Variants in PLA2G15 observed in about 807,000 individuals in gnomAD.
PLA2G15 encodes the protein lysosomal phospholipase A and acyltransferase.
In PLA2G15, 20 loss-of-function variants were observed where a neutral mutation model predicts 40.9. The observed-to-expected ratio is 0.49, with a 90% CI of 0.34 to 0.71. The LOEUF is 0.71. Among genes scored for constraint, PLA2G15 ranks in the 30% least tolerant of loss-of-function variants. PLA2G15 has a pLI of 0.01. For synonymous variants in PLA2G15, 223 were observed against 228.2 expected, an observed-to-expected ratio of 0.98 and a Z score of 0.21; for missense variants, 471 against 541.9, an observed-to-expected ratio of 0.87 and a Z score of 1.30.
At chr16:68,252,924 G>A (rs982807418) in intron 2 of PLA2G15, among the ~76,000 whole-genome samples, 1 of 152,210 alleles carries the variant, frequency 6.6e-6, no homozygotes, top group African/African-American at 2.4e-5. Context: ...AGTGAGCTAT[G>A]ATCTCCTCAC....
In PLA2G15 at chr16:68,259,864, G is replaced by A. The variant is rs1249114161; in HGVS notation, c.*207G>A. 1.7e-6 allele frequency: 1 copy of A among 600,436 alleles called. No individual in the cohort carries two copies. Among genetic ancestry groups the A allele is most frequent in the African/African-American group, 1.9e-5 (1 of 53,808 alleles). 37.2% of individuals were successfully genotyped at this position (600,436 alleles called of 1,614,324 possible). A position where few individuals can be genotyped will look rare whatever the true frequency, so the allele number is the denominator to read the frequency against. On this transcript the variant is annotated 3_prime_UTR_variant, in exon 6 of 6. Transcript: ENST00000219345. This position sits in a 1 kb window ranked among gnomAD's most constrained non-coding sequence, Gnocchi z 6.5. The stretch of plus-strand genomic sequence containing the variant: ...GAAGAAATGAGAGTCTAGACTCAAG[G>A]GACACTGGATGGCAAGAATGCTGCT...
At chr16:68,258,988 G>A in intron 5 of PLA2G15, 158 bp from the exon 6 acceptor site, 1 of 638,338 alleles carries the variant, frequency 1.6e-6, no homozygotes, top group Admixed American at 2.8e-5. Flanking sequence ...CCAAGGCAGG[G>A]ATGGGAGTCA....
At chr16:68,250,235 C>T (rs1474611421) in intron 2 of PLA2G15, 5 of 300,206 alleles carry the variant, frequency 1.7e-5, no homozygotes, top group Non-Finnish European at 3.1e-5. Context: ...GGCTGGAGTG[C>T]AATGGCGCGA....
Position 68,259,077 on chromosome 16 carries a change from G to A in PLA2G15, c.728-69G>A. 1 of 1,403,698 alleles carries A rather than the reference G, an allele frequency of 7.1e-7. No homozygotes were observed. Among genetic ancestry groups the A allele is most frequent in the Non-Finnish European group, 9.8e-7 (1 of 1,021,818 alleles). The allele number at this position is 1,403,698 out of a possible 1,614,324, so 87.0% of individuals were successfully genotyped here. A position where few individuals can be genotyped will look rare whatever the true frequency, so the allele number is the denominator to read the frequency against. On this transcript the variant is annotated intron_variant, in intron 5 of 5. Coordinates refer to ENST00000219345, the MANE Select transcript of PLA2G15 (RefSeq NM_012320.4). This position sits in a 1 kb window ranked among gnomAD's most constrained non-coding sequence, Gnocchi z 6.5. ...CCTGGCTGGGGTCTGGCAGGGGCCTGGTGGTGAACATGCTGCCCAACCAGC... is the reference window on the plus strand; with the variant it reads ...CCTGGCTGGGGTCTGGCAGGGGCCTAGTGGTGAACATGCTGCCCAACCAGC...
At chr16:68,245,735 A>G (rs1243380866) in intron 1 of PLA2G15, among the ~76,000 whole-genome samples, 182 bp downstream of exon 1, 2 of 152,190 alleles carry the variant, frequency 1.3e-5, no homozygotes, top group Admixed American at 6.5e-5. Context: ...GGGTGTGGTC[A>G]GCTCCCCACC....
At chr16:68,247,868 G>A (rs529348567) in intron 1 of PLA2G15, among the ~76,000 whole-genome samples, 10 of 152,358 alleles carry the variant, frequency 6.6e-5, no homozygotes, top group Admixed American at 5.2e-4. Flanking sequence ...AGTGGCGAGA[G>A]CATGGCATGT....
At chr16:68,250,111 C>T (rs1667880809) in intron 2 of PLA2G15, among the ~76,000 whole-genome samples, 1 of 151,238 alleles carries the variant, frequency 6.6e-6, no homozygotes, top group South Asian at 2.1e-4. Context: ...GTCTTTGTAC[C>T]TGCTGTTCTT....
chr16:68,257,638 G>A (rs998647221), intron 5 of PLA2G15, among the ~76,000 whole-genome samples: 4 of 152,214 alleles, frequency 2.6e-5, no homozygotes, highest in African/African-American at 9.6e-5. Flanking sequence ...ATGAGCTCAA[G>A]TGCCTGCCAC....
At position 68,245,495 on chromosome 16, in the gene PLA2G15, G is replaced by C. The variant is rs748953400; in HGVS notation, c.69G>C (p.Leu23=). Residue 23 remains leucine (L), a synonymous_variant, in exon 1 of 6, where the codon CTG becomes CTC. Transcript: ENST00000219345. ...ATGGCCTCCTGTTCCTCTTGCTGCTGCTAATGCTGCTCGCGGACCCAGCGC... is the reference window on the plus strand; with the variant it reads ...ATGGCCTCCTGTTCCTCTTGCTGCTCCTAATGCTGCTCGCGGACCCAGCGC... ...LPDGLLFLLL[L]LMLLADPALP... 7 of 1,605,306 alleles carry C rather than the reference G, an allele frequency of 4.4e-6. No individual in the cohort carries two copies. Among genetic ancestry groups the C allele is most frequent in the Non-Finnish European group, 5.9e-6 (7 of 1,179,156 alleles).
chr16:68,245,997 GGCATTGCTGAAA>G (rs549928278), intron 1 of PLA2G15, among the ~76,000 whole-genome samples: 115 of 152,310 alleles, frequency 7.6e-4, no homozygotes, highest in Middle Eastern at 3.4e-3. Context: ...TATGCCAGAA[GGCATTGCTGAAA>G]GGAACCTCCT....
At chr16:68,245,751 T>C (rs1400442374) in intron 1 of PLA2G15, among the ~76,000 whole-genome samples, 198 bp downstream of exon 1, 1 of 152,174 alleles carries the variant, frequency 6.6e-6, no homozygotes, top group East Asian at 1.9e-4. Context: ...CCACCTCCTG[T>C]CCTGGTAGAA....
chr16:68,251,741 T>G lies in PLA2G15; in HGVS notation c.284+2295T>G, dbSNP rs1160257023. Among the ~76,000 whole-genome samples, 8 of 151,006 alleles carry G rather than the reference T, an allele frequency of 5.3e-5. No homozygotes were observed. In the Admixed American group the frequency reaches 5.3e-4, roughly 10 times the overall value. On this transcript the variant is annotated intron_variant, in intron 2 of 5. Transcript: ENST00000219345. ...CGGGCGTGGTGGCACACGCCCATGA[T>G]CCCAGCTACTCGGGAGGCTGAGACA...
chr16:68,255,444 AC>A lies in PLA2G15; in HGVS notation c.502+66del. ...AGGTAGGGGTGAGGTGATCATGGGC[AC>A]CACAGACCTTGGGCTCTCCCCTTGT... On this transcript the variant is annotated intron_variant, in intron 4 of 5. Transcript: ENST00000219345. The surrounding 1 kb of genome is among the most constrained non-coding windows in gnomAD (Gnocchi z 5.9). 8.9e-7 allele frequency: 1 copy of A among 1,119,530 alleles called. No individual in the cohort carries two copies. Among genetic ancestry groups the A allele is most frequent in the Non-Finnish European group, 1.3e-6 (1 of 769,736 alleles). 69.3% of individuals were successfully genotyped at this position (1,119,530 alleles called of 1,614,324 possible).
At position 68,255,281 on chromosome 16, in the gene PLA2G15, G is replaced by C. The variant is rs760352408; in HGVS notation, c.404-1G>C. 1 of 1,609,176 alleles carries C rather than the reference G, an allele frequency of 6.2e-7. No homozygotes were observed. ...CTTATCCTCTGTATTTCTGTCTACA[G>C]GTTCCTATTTCCACACCATGGTGGA... On this transcript the variant is annotated splice_acceptor_variant, in intron 3 of 5. Transcript: ENST00000219345. LOFTEE classifies it high-confidence loss of function. The surrounding 1 kb of genome is among the most constrained non-coding windows in gnomAD (Gnocchi z 5.9).
chr16:68,259,032 G>A lies in PLA2G15; in HGVS notation c.728-114G>A. ...ACAATGATGATAACCGGGTAGAGAT[G>A]CGGGACTGTGGACTGGGCCCCTGGC... On this transcript the variant is annotated intron_variant, in intron 5 of 5. Coordinates refer to ENST00000219345, the MANE Select transcript of PLA2G15 (RefSeq NM_012320.4). The surrounding 1 kb of genome is among the most constrained non-coding windows in gnomAD (Gnocchi z 6.5). The A allele has an allele frequency of 1.3e-6, 1 of 770,958 alleles. No individual in the cohort carries two copies. Among genetic ancestry groups the A allele is most frequent in the Non-Finnish European group, 2.1e-6 (1 of 465,464 alleles). 47.8% of individuals were successfully genotyped at this position (770,958 alleles called of 1,614,324 possible). A position where few individuals can be genotyped will look rare whatever the true frequency, so the allele number is the denominator to read the frequency against.
intron 2 of PLA2G15, among the ~76,000 whole-genome samples, chr16:68,252,131 C>T (rs886268124): frequency 4.6e-5 from 7 of 152,222 alleles, no homozygotes; most frequent in African/African-American, 1.7e-4. Context: ...TCACCCAGCG[C>T]AGAACTGCTT....
intron 2 of PLA2G15, chr16:68,253,528 C>T (rs1461531130): frequency 1.0e-5 from 4 of 387,708 alleles, no homozygotes; most frequent in Non-Finnish European, 2.1e-5. Flanking sequence ...GTACACGTCA[C>T]CATGCCTGGT....
At position 68,260,876 on chromosome 16, in the gene PLA2G15, G is replaced by C. The variant is rs987930734; in HGVS notation, c.*1219G>C. On this transcript the variant is annotated 3_prime_UTR_variant, in exon 6 of 6. Transcript: ENST00000219345. ...GAGAAAAGGGTACAGCCTCTAGGTG[G>C]GGTTCCCAAAGACGCCTTCACGCTG... The C allele has an allele frequency of 6.6e-6, 1 of 152,346 alleles. No individual in the cohort carries two copies. Among genetic ancestry groups the C allele is most frequent in the African/African-American group, 2.4e-5 (1 of 41,466 alleles). The allele number at this position is 152,346 out of a possible 1,614,324, so 9.4% of individuals were successfully genotyped here. A position where few individuals can be genotyped will look rare whatever the true frequency, so the allele number is the denominator to read the frequency against.
At chr16:68,251,035 A>G (rs1163400000) in intron 2 of PLA2G15, among the ~76,000 whole-genome samples, 1 of 151,548 alleles carries the variant, frequency 6.6e-6, no homozygotes, top group Non-Finnish European at 1.5e-5. Flanking sequence ...GGCACTGTAC[A>G]TTTTATATAC....
Sources: allele counts gnomAD v4.1 joint callset (sites outside exome capture counted in the v4.1 genomes callset), GRCh38; gene constraint gnomAD v4.1.1; non-coding constraint Gnocchi (gnomAD v3.1); transcripts MANE v1.5; gene names NCBI Gene and HGNC (gene_info 2026-07-23, HGNC 2026-07-21).